The following RAB11FIP4 variants were observed in gnomAD, a reference collection of about 807,000 sequenced individuals.
RAB11FIP4 encodes RAB11 family interacting protein 4.
RAB11FIP4 carries 23 observed loss-of-function variants against 74.3 expected under a neutral mutation model. The observed-to-expected ratio is 0.31, with a 90% CI of 0.22 to 0.44. The LOEUF (loss-of-function observed/expected upper bound fraction) is 0.44, where lower values mean the gene tolerates loss of function less well. RAB11FIP4 is among the 20% of genes least tolerant of loss of function. RAB11FIP4 has a pLI of 1.00. For synonymous variants in RAB11FIP4, 360 were observed against 359.9 expected (o/e 1.00, Z 0.00); for missense variants, 630 against 863.9 (o/e 0.73, Z 3.39).
At chr17:31,442,611 G>GA in intron 3 of RAB11FIP4, among the ~76,000 whole-genome samples, 1 of 152,306 alleles carries the variant, frequency 6.6e-6, no homozygotes, top group East Asian at 1.9e-4. Context: ...GCCCTTTACA[G>GA]AAAAAATTTG....
At position 31,531,675 on chromosome 17, in the gene RAB11FIP4, C is replaced by T. The variant is rs112325442; in HGVS notation, c.1857C>T (p.Asp619=). Residue 619 remains aspartate (D), a synonymous_variant, in exon 15 of 15, where the codon GAC becomes GAT. Transcript: ENST00000621161. ...EINFRLRQYM[D]KIILAILDHN... is the part of the protein sequence containing the mutation. The stretch of plus-strand genomic sequence containing the variant: ...ACTTCCGGCTGAGGCAGTACATGGA[C>T]AAGATTATCCTCGCCATCCTGGACC... The T allele has an allele frequency of 1.2e-6, 2 of 1,614,110 alleles. No individual in the cohort carries two copies. The highest frequency in any genetic ancestry group is 1.7e-6 in the Non-Finnish European group (2 of 1,179,968).
At chr17:31,442,039 C>T (rs995642197) in intron 3 of RAB11FIP4, among the ~76,000 whole-genome samples, 6 of 151,712 alleles carry the variant, frequency 4.0e-5, no homozygotes, top group African/African-American at 1.5e-4. Flanking sequence ...CACTCTGTCG[C>T]CCAGGCTGGA....
Position 31,445,529 on chromosome 17 carries a change from ATTTTATATATATATATAT to A in RAB11FIP4, c.336+11408_336+11425del, listed in dbSNP as rs1269449838. On this transcript the variant is annotated intron_variant, in intron 3 of 14. Transcript: ENST00000621161. ...TAAAATCTACATTCAAATTTTCCCA[ATTTTATATATATATATAT>A]ATATATATATATATATATATATATA... 1.2e-4 allele frequency among the ~76,000 whole-genome samples: 11 copies of A among 90,738 alleles called. 1 individual carries two copies. The highest frequency in any genetic ancestry group is 1.9e-4 in the Non-Finnish European group (9 of 47,968). 59.5% of individuals were successfully genotyped at this position (90,738 alleles called of 152,430 possible).
intron 1 of RAB11FIP4, among the ~76,000 whole-genome samples, chr17:31,402,350 G>A (rs892346565): frequency 6.6e-6 from 1 of 152,188 alleles, no homozygotes; most frequent in African/African-American, 2.4e-5. Flanking sequence ...AGGACAGGGA[G>A]GGCAGGGAGA....
At position 31,493,921 on chromosome 17, in the gene RAB11FIP4, A is replaced by C. The variant is rs576514138; in HGVS notation, c.337-23730A>C. On this transcript the variant is annotated intron_variant, in intron 3 of 14. Transcript: ENST00000621161. ...CCAGATCGTATATGTGTGTGTGCAC[A>C]CACGTGTGTGTTTGCGTGTCAGGCA... 9.2e-5 allele frequency among the ~76,000 whole-genome samples: 14 copies of C among 152,154 alleles called. 1 individual carries two copies. In the South Asian group the frequency reaches 2.7e-3, roughly 29 times the overall value.
intron 3 of RAB11FIP4, among the ~76,000 whole-genome samples, chr17:31,454,698 A>G (rs2071562091): frequency 1.3e-5 from 2 of 152,056 alleles, no homozygotes; most frequent in Admixed American, 6.5e-5. Context: ...ATCCTGGCCA[A>G]CATGGTGAAA....
chr17:31,511,289 C>T (rs935849968), intron 3 of RAB11FIP4, among the ~76,000 whole-genome samples: 6 of 152,312 alleles, frequency 3.9e-5, no homozygotes, highest in Non-Finnish European at 7.4e-5. Flanking sequence ...GTGTGTTCCG[C>T]GCCCTCATGA....
intron 2 of RAB11FIP4, 143 bp from the exon 3 acceptor site, chr17:31,433,891 C>T: frequency 2.7e-6 from 2 of 734,380 alleles, no homozygotes; most frequent in Non-Finnish European, 2.3e-6. Context: ...CCATCCCTGC[C>T]TTCCAGTGCT....
intron 3 of RAB11FIP4, chr17:31,509,245 C>T (rs1430263833): frequency 1.3e-5 from 2 of 149,732 alleles, no homozygotes; most frequent in South Asian, 2.1e-4. Flanking sequence ...GATTTATTAC[C>T]TCCCTCTGGG....
At chr17:31,423,991 A>G (rs563533658) in intron 1 of RAB11FIP4, among the ~76,000 whole-genome samples, 10 of 152,110 alleles carry the variant, frequency 6.6e-5, no homozygotes, top group African/African-American at 2.4e-4. Flanking sequence ...GCTGGGAGAG[A>G]AAAAAGACCC....
At chr17:31,430,763 C>T (rs2071302135) in intron 1 of RAB11FIP4, among the ~76,000 whole-genome samples, 1 of 152,076 alleles carries the variant, frequency 6.6e-6, no homozygotes, top group Non-Finnish European at 1.5e-5. Context: ...CCAGGAGAGA[C>T]AGGATGATGG....
intron 3 of RAB11FIP4, among the ~76,000 whole-genome samples, chr17:31,454,505 C>T (rs2071559763): frequency 6.6e-6 from 1 of 152,074 alleles, no homozygotes; most frequent in African/African-American, 2.4e-5. Context: ...AACCCATGAC[C>T]TCAAGCAATC....
chr17:31,423,086 A>C (rs1181558102), intron 1 of RAB11FIP4, among the ~76,000 whole-genome samples: 1 of 151,744 alleles, frequency 6.6e-6, no homozygotes, highest in Non-Finnish European at 1.5e-5. Context: ...CGACCAGCTA[A>C]TTTTTTGCAT....
At chr17:31,395,408 A>G (rs1052908325) in intron 1 of RAB11FIP4, among the ~76,000 whole-genome samples, 3 of 152,214 alleles carry the variant, frequency 2.0e-5, no homozygotes, top group Non-Finnish European at 2.9e-5. Context: ...TGGGGGGAAC[A>G]GCAACTGTAT....
intron 3 of RAB11FIP4, among the ~76,000 whole-genome samples, chr17:31,450,014 G>A (rs530922579): frequency 5.3e-5 from 8 of 152,122 alleles, no homozygotes; most frequent in Non-Finnish European, 8.8e-5. Context: ...GGGAACACTC[G>A]ATAGTCTCCT....
intron 1 of RAB11FIP4, among the ~76,000 whole-genome samples, chr17:31,424,796 C>T (rs1213735185): frequency 1.3e-5 from 2 of 152,074 alleles, no homozygotes; most frequent in Admixed American, 6.5e-5. Flanking sequence ...AGGCTGGTCT[C>T]GAACTCCTGA....
intron 3 of RAB11FIP4, among the ~76,000 whole-genome samples, chr17:31,485,441 T>G (rs1204646143): frequency 6.6e-6 from 1 of 152,138 alleles, no homozygotes; most frequent in Non-Finnish European, 1.5e-5. Flanking sequence ...ATTGACCTTC[T>G]CTGGGAGAGA....
chr17:31,528,383 C>G (rs1444985898), intron 11 of RAB11FIP4, 23 bp from the exon 12 acceptor site: 1 of 1,608,214 alleles, frequency 6.2e-7, no homozygotes, highest in East Asian at 2.2e-5. Context: ...CTCTCCTCCC[C>G]TGATCGGGTC....
intron 1 of RAB11FIP4, among the ~76,000 whole-genome samples, chr17:31,400,177 C>T (rs1454123941): frequency 1.3e-5 from 2 of 152,044 alleles, no homozygotes; most frequent in African/African-American, 4.8e-5. Flanking sequence ...AGAAAAGAGG[C>T]AAAGGAATAG....
Sources: allele counts gnomAD v4.1 joint callset (sites outside exome capture counted in the v4.1 genomes callset), GRCh38; gene constraint gnomAD v4.1.1; transcripts MANE v1.5; gene names NCBI Gene and HGNC (gene_info 2026-07-23, HGNC 2026-07-21).